The following MYO18A variants were observed in gnomAD, a reference collection of about 807,000 sequenced individuals.
MYO18A encodes myosin XVIIIA, also known as unconventional myosin-XVIIIa.
Under a neutral mutation model 235.8 loss-of-function variants are expected in MYO18A, and 78 were observed. That is an observed-to-expected ratio of 0.33 (90% CI 0.28 to 0.40). MYO18A has a LOEUF of 0.40. Ranked by LOEUF, MYO18A falls within the 10% of genes least tolerant of loss-of-function variation. The pLI is 1.00. For missense variants in MYO18A, 2,215 were observed against 2,699.3 expected, an observed-to-expected ratio of 0.82 and a Z score of 3.98; for synonymous variants, 977 against 1,077.8, an observed-to-expected ratio of 0.91 and a Z score of 1.83.
At position 29,109,911 on chromosome 17, in the gene MYO18A, C is replaced by T. The variant is rs771253410; in HGVS notation, c.3278G>A (p.Arg1093His). ...CAGGCGGGAGCCGCGGAGCTGGGTG[C>T]GGAGCAGGGGCACGTCGAGCTGCAG... ...GLLQLDVPLLRTQLRGSRLLD... is the reference protein window; with the variant it reads ...GLLQLDVPLLHTQLRGSRLLD... The change falls in exon 19 of 42, where the codon CGC becomes CAC. Residue 1093 changes from arginine to histidine, a missense_variant. Coordinates refer to ENST00000527372, the MANE Select transcript of MYO18A (RefSeq NM_078471.4). The surrounding 1 kb of genome is among the most constrained non-coding windows in gnomAD (Gnocchi z 4.1). 16 of 1,586,664 alleles carry T rather than the reference C, an allele frequency of 1.0e-5. No individual in the cohort carries two copies. In the Admixed American group the frequency reaches 1.3e-4, roughly 12 times the overall value.
intron 13 of MYO18A, 61 bp downstream of exon 13, chr17:29,115,290 G>T (rs2067030892): frequency 3.0e-5 from 47 of 1,576,364 alleles, no homozygotes; most frequent in Non-Finnish European, 4.0e-5. Context: ...AACAAGGCAT[G>T]AAGGCATCTA....
intron 41 of MYO18A, chr17:29,080,735 C>T (rs1416100428): frequency 1.0e-6 from 1 of 985,558 alleles, no homozygotes; most frequent in Non-Finnish European, 1.2e-6. Context: ...CCCCGGCCAG[C>T]GCGCCCCCCG....
In MYO18A at chr17:29,073,681, C is replaced by G. The variant is rs2065913552; in HGVS notation, c.*1089G>C. The G allele has an allele frequency of 2.8e-6, 2 of 713,912 alleles. No individual in the cohort carries two copies. The highest frequency in any genetic ancestry group is 3.5e-5 in the African/African-American group (2 of 56,390). 44.2% of individuals were successfully genotyped at this position (713,912 alleles called of 1,614,324 possible). The stretch of plus-strand genomic sequence containing the variant: ...GTCTGGTGGAGTTCTCAGGGATAAC[C>G]TTTTTAGGGTGGGGGCTGGGACCTC... On this transcript the variant is annotated 3_prime_UTR_variant, in exon 42 of 42. Coordinates refer to ENST00000527372, the MANE Select transcript of MYO18A (RefSeq NM_078471.4).
chr17:29,144,147 T>C (rs1443562359), intron 2 of MYO18A, among the ~76,000 whole-genome samples: 2 of 152,202 alleles, frequency 1.3e-5, no homozygotes, highest in Non-Finnish European at 2.9e-5. Context: ...GCATGGTCCA[T>C]TTCTTTGATG....
chr17:29,090,797 C>T lies in MYO18A; in HGVS notation c.5304+13G>A. The T allele has an allele frequency of 6.2e-7, 1 of 1,609,454 alleles. No individual in the cohort carries two copies. Among genetic ancestry groups the T allele is most frequent in the Non-Finnish European group, 8.5e-7 (1 of 1,175,806 alleles). On this transcript the variant is annotated intron_variant, in intron 35 of 41. Coordinates refer to ENST00000527372, the MANE Select transcript of MYO18A (RefSeq NM_078471.4). ...ACGGTGCAGAGTGTGACGGGCACTC[C>T]TGGCAGGGGTACCTGAGCCACGGCA... is the stretch of plus-strand genomic sequence containing the variant.
intron 1 of MYO18A, among the ~76,000 whole-genome samples, chr17:29,176,931 T>TC (rs1159965995): frequency 6.6e-6 from 1 of 151,798 alleles, no homozygotes; most frequent in Non-Finnish European, 1.5e-5. Flanking sequence ...CGATCCCATC[T>TC]CCCCCGGAAG....
chr17:29,098,795 A>G, intron 23 of MYO18A, 31 bp downstream of exon 23: 1 of 1,612,930 alleles, frequency 6.2e-7, no homozygotes, highest in Non-Finnish European at 8.5e-7. Flanking sequence ...CCCCCTACCC[A>G]GAGACTTGGC....
At position 29,180,254 on chromosome 17, in the gene MYO18A, C is replaced by T. The variant is rs572983447; in HGVS notation, c.-82+59G>A. 2.0e-5 allele frequency: 3 copies of T among 149,908 alleles called. No homozygotes were observed. The highest frequency in any genetic ancestry group is 4.5e-5 in the Non-Finnish European group (3 of 66,910). The allele number at this position is 149,908 out of a possible 1,614,324, so 9.3% of individuals were successfully genotyped here. ...CCTCCCTCCCGGCCGGAGCCCGCCC[C>T]GCCGCCCCACCAAGCCGGGCCCGCC... On this transcript the variant is annotated intron_variant, in intron 1 of 41. Coordinates refer to ENST00000527372, the MANE Select transcript of MYO18A (RefSeq NM_078471.4). The surrounding 1 kb of genome is among the most constrained non-coding windows in gnomAD (Gnocchi z 6.1).
At chr17:29,110,352 A>G in intron 18 of MYO18A, 84 bp downstream of exon 18, 1 of 1,433,976 alleles carries the variant, frequency 7.0e-7, no homozygotes, top group Non-Finnish European at 9.3e-7. Context: ...AGATGGCCTC[A>G]GTGTGCTCGG....
rs2065926149 is a variant in MYO18A, at chr17:29,074,273, G to A, written c.*497C>T. 7.4e-7 allele frequency: 1 copy of A among 1,347,242 alleles called. No homozygotes were observed. Among genetic ancestry groups the A allele is most frequent in the Non-Finnish European group, 1.0e-6 (1 of 985,426 alleles). The allele number at this position is 1,347,242 out of a possible 1,614,324, so 83.5% of individuals were successfully genotyped here. A position where few individuals can be genotyped will look rare whatever the true frequency, so the allele number is the denominator to read the frequency against. ...CTCTCAGGGATGCAGCTGTGATGGA[G>A]AGGTTGGGTATTTAAATTAAAAAGT... On this transcript the variant is annotated 3_prime_UTR_variant, in exon 42 of 42. Coordinates refer to ENST00000527372, the MANE Select transcript of MYO18A (RefSeq NM_078471.4). This position sits in a 1 kb window ranked among gnomAD's most constrained non-coding sequence, Gnocchi z 4.4.
At chr17:29,116,613 G>GCACACACACACA (rs144361514) in intron 10 of MYO18A, among the ~76,000 whole-genome samples, 158 bp from the exon 11 acceptor site, 48 of 144,926 alleles carry the variant, frequency 3.3e-4, no homozygotes, top group South Asian at 8.9e-4. Context: ...TGGGACAAAC[G>GCACACACACACA]CACACACACA....
At position 29,111,077 on chromosome 17, in the gene MYO18A, T is replaced by C. The variant is rs1456841545; in HGVS notation, c.2900+347A>G. On this transcript the variant is annotated intron_variant, in intron 17 of 41. Transcript: ENST00000527372. The surrounding 1 kb of genome is among the most constrained non-coding windows in gnomAD (Gnocchi z 5.1). ...TGTTTACTATTATCTGCCAAGCACC[T>C]AGAAGCCCCTGTCGCAGGGTAGGTG... is the stretch of plus-strand genomic sequence containing the variant. Among the ~76,000 whole-genome samples, 2 of 152,248 alleles carry C rather than the reference T, an allele frequency of 1.3e-5. No homozygotes were observed. Among genetic ancestry groups the C allele is most frequent in the Admixed American group, 1.3e-4 (2 of 15,284 alleles).
intron 20 of MYO18A, 112 bp from the exon 21 acceptor site, chr17:29,103,776 A>G: frequency 9.9e-7 from 1 of 1,013,310 alleles, no homozygotes; most frequent in South Asian, 1.4e-5. Context: ...TCTGTTATTC[A>G]TGCACTTGCG....
chr17:29,095,628 A>G (rs1049871338), intron 28 of MYO18A, among the ~76,000 whole-genome samples: 2 of 152,216 alleles, frequency 1.3e-5, no homozygotes, highest in Admixed American at 1.3e-4. Context: ...ACATGCCTCA[A>G]TGGGCACACA....
chr17:29,129,679 G>A (rs1339170730), intron 2 of MYO18A, among the ~76,000 whole-genome samples: 1 of 152,226 alleles, frequency 6.6e-6, no homozygotes, highest in Admixed American at 6.5e-5. Context: ...AGGCCCACCT[G>A]CCCATGCTTG....
rs779581072 is a variant in MYO18A at position 29,099,738 on chromosome 17, C to T, written c.3532G>A (p.Ala1178Thr). 1.2e-6 allele frequency: 2 copies of T among 1,613,200 alleles called. No individual in the cohort carries two copies. Among genetic ancestry groups the T allele is most frequent in the South Asian group, 2.2e-5 (2 of 91,016 alleles). Residue 1178 changes from alanine (A) to threonine (T), a missense_variant, in exon 22 of 42, where the codon GCA becomes ACA. Transcript: ENST00000527372. ...TCATCCCGCTGCTCCTCCAGCCGTGCCAAGGTGCCCGCCCGGAAGAACACC... is the reference window on the plus strand; with the variant it reads ...TCATCCCGCTGCTCCTCCAGCCGTGTCAAGGTGCCCGCCCGGAAGAACACC... ...SRVFFRAGTL[A>T]RLEEQRDEQT... is the part of the protein sequence containing the mutation.
intron 2 of MYO18A, among the ~76,000 whole-genome samples, chr17:29,146,829 G>A (rs2067858363): frequency 6.6e-6 from 1 of 152,148 alleles, no homozygotes; most frequent in Non-Finnish European, 1.5e-5. Context: ...TTCAGATACT[G>A]GTGACAACAC....
At chr17:29,159,109 C>T (rs1232926261) in intron 2 of MYO18A, among the ~76,000 whole-genome samples, 3 of 152,180 alleles carry the variant, frequency 2.0e-5, no homozygotes, top group Non-Finnish European at 4.4e-5. Flanking sequence ...CACCCACAGG[C>T]TGGATGGCCA....
chr17:29,097,173 T>C, intron 27 of MYO18A, 50 bp downstream of exon 27: 1 of 1,596,816 alleles, frequency 6.3e-7, no homozygotes, highest in South Asian at 1.1e-5. Flanking sequence ...AAGGCACCAG[T>C]CCTCTCCTGG....
Sources: gnomAD v4.1 joint callset for allele counts (sites outside exome capture counted in the v4.1 genomes callset) on GRCh38, gnomAD v4.1.1 for gene constraint, Gnocchi (gnomAD v3.1) non-coding constraint, MANE v1.5 for transcripts, NCBI Gene and HGNC (gene_info 2026-07-23, HGNC 2026-07-21) for gene names.